NLRP3: variants seen among roughly 807,000 people sequenced by gnomAD.
NLRP3 encodes the protein NACHT, LRR and PYD domains-containing protein 3.
In NLRP3, 48 loss-of-function variants were observed where a neutral mutation model predicts 91.3. The ratio of observed to expected loss-of-function variants is 0.53; its 90% CI spans 0.42 to 0.67. The LOEUF is 0.67. Among genes scored for constraint, NLRP3 ranks in the 30% least tolerant of loss-of-function variants. The probability of loss-of-function intolerance (pLI) is 0.00; values close to 1 mark genes in which losing one functional copy is unlikely to be tolerated. For missense variants in NLRP3, 982 were observed against 1,276.9 expected, an observed-to-expected ratio of 0.77 and a Z score of 3.52; for synonymous variants, 561 against 507.9, an observed-to-expected ratio of 1.10 and a Z score of -1.41.
intron 1 of NLRP3, among the ~76,000 whole-genome samples, chr1:247,416,432 T>C (rs1662079585): frequency 6.6e-6 from 1 of 152,132 alleles, no homozygotes; most frequent in Non-Finnish European, 1.5e-5. Context: ...GCAGCAACCA[T>C]AGTTTACACC....
At chr1:247,420,401 A>G (rs1255761834) in intron 2 of NLRP3, among the ~76,000 whole-genome samples, 1 of 151,344 alleles carries the variant, frequency 6.6e-6, no homozygotes, top group Non-Finnish European at 1.5e-5. Flanking sequence ...GATGCACAGA[A>G]GTTAGTATGA....
chr1:247,444,527 T>C, intron 8 of NLRP3, 124 bp from the exon 9 acceptor site: 3 of 976,646 alleles, frequency 3.1e-6, no homozygotes, highest in South Asian at 2.7e-5. Flanking sequence ...TGAAGCTAGT[T>C]AGTCCTGTGC....
Position 247,424,433 on chromosome 1 carries a change from TC to T in NLRP3, c.985del (p.Leu329SerfsTer2). The T allele has an allele frequency of 6.2e-7, 1 of 1,614,112 alleles. No individual in the cohort carries two copies. Among genetic ancestry groups the T allele is most frequent in the Non-Finnish European group, 8.5e-7 (1 of 1,180,034 alleles). ...GGCAGAAGGCCGAGCGGGGAGACAT[TC>T]TCCTGAGCAGCCTCATCAGAAAGAA... ...DWQKAERGDI[L>X]LSSLIRKKLL... On this transcript the variant is annotated frameshift_variant, in exon 4 of 10. Coordinates refer to ENST00000336119, the MANE Select transcript of NLRP3 (RefSeq NM_001243133.2). LOFTEE classifies it high-confidence loss of function. This position sits in a 1 kb window ranked among gnomAD's most constrained non-coding sequence, Gnocchi z 8.1.
At chr1:247,433,948 T>A (rs113427259) in intron 5 of NLRP3, among the ~76,000 whole-genome samples, 155 bp from the exon 6 acceptor site, 1 of 103,098 alleles carries the variant, frequency 9.7e-6, no homozygotes, top group African/African-American at 4.3e-5. Flanking sequence ...TGTGTTCTGA[T>A]GCTTTCTGTA....
At chr1:247,431,212 A>AATAAT (rs547689900) in intron 5 of NLRP3, among the ~76,000 whole-genome samples, 259 of 150,522 alleles carry the variant, frequency 1.7e-3, no homozygotes, top group African/African-American at 5.4e-3. Flanking sequence ...ATAATAATAA[A>AATAAT]AAATGTGCTT....
chr1:247,430,371 A>G (rs1292311488), intron 5 of NLRP3, among the ~76,000 whole-genome samples: 1 of 152,166 alleles, frequency 6.6e-6, no homozygotes, highest in Non-Finnish European at 1.5e-5. Flanking sequence ...CTTGGGGGGA[A>G]GAGTGGCCTA....
At chr1:247,444,537 C>A in intron 8 of NLRP3, 114 bp from the exon 9 acceptor site, 1 of 1,124,048 alleles carries the variant, frequency 8.9e-7, no homozygotes, top group Non-Finnish European at 1.3e-6. Context: ...TAGTCCTGTG[C>A]TCCTGTGCTT....
chr1:247,420,666 G>A (rs1662390390), intron 2 of NLRP3, among the ~76,000 whole-genome samples: 2 of 152,160 alleles, frequency 1.3e-5, no homozygotes, highest in Non-Finnish European at 2.9e-5. Context: ...GCAGTGAGCT[G>A]AGATTGCACC....
intron 2 of NLRP3, 117 bp downstream of exon 2, chr1:247,419,194 GC>G: frequency 1.5e-6 from 1 of 675,652 alleles, no homozygotes; most frequent in Non-Finnish European, 2.0e-6. Context: ...TGCTCTTGTT[GC>G]CCAGGCTGGA....
rs185332888 is a variant in NLRP3 at position 247,433,727 on chromosome 1, G to A, written c.2322-376G>A. ...CTCTATTCCGGAGCTCTCTGGTCAG[G>A]TGTGTCCTGATGCTTTCTCTATTCC... On this transcript the variant is annotated intron_variant, in intron 5 of 9. Transcript: ENST00000336119. Among the ~76,000 whole-genome samples the A allele has an allele frequency of 2.6e-4, 36 of 140,522 alleles. No individual in the cohort carries two copies. In the East Asian group the frequency reaches 4.2e-3, roughly 16 times the overall value. The allele number at this position is 140,522 out of a possible 152,430, so 92.2% of individuals were successfully genotyped here. A position where few individuals can be genotyped will look rare whatever the true frequency, so the allele number is the denominator to read the frequency against.
At chr1:247,447,368 C>G (rs1164041658) in intron 9 of NLRP3, among the ~76,000 whole-genome samples, 1 of 152,194 alleles carries the variant, frequency 6.6e-6, no homozygotes, top group Non-Finnish European at 1.5e-5. Context: ...GGGCCCCACC[C>G]TCACAACTTC....
intron 5 of NLRP3, 63 bp from the exon 6 acceptor site, chr1:247,434,040 C>T: frequency 8.8e-7 from 1 of 1,139,990 alleles, no homozygotes; most frequent in South Asian, 1.3e-5. Flanking sequence ...GATGCTTCCT[C>T]TGTTCTGGAG....
Position 247,425,319 on chromosome 1 carries a change from A to G in NLRP3, c.1870A>G (p.Ser624Gly). 6.2e-7 allele frequency: 1 copy of G among 1,614,230 alleles called. No homozygotes were observed. Among genetic ancestry groups the G allele is most frequent in the Non-Finnish European group, 8.5e-7 (1 of 1,180,038 alleles). ...AGCTAAAAAGCTGCAGATCCAGCCC[A>G]GCCAGCTGGAATTGTTCTACTGTTT... ...AKAKKLQIQP[S>G]QLELFYCLYE... The change falls in exon 4 of 10, where the codon AGC becomes GGC. Residue 624 changes from serine (S) to glycine (G), a missense_variant. This residue lies in a region of NLRP3 where 32 missense variants were observed against 60.3 expected (regional missense o/e 0.53). Coordinates refer to ENST00000336119, the MANE Select transcript of NLRP3 (RefSeq NM_001243133.2). The surrounding 1 kb of genome is among the most constrained non-coding windows in gnomAD (Gnocchi z 4.1).
chr1:247,443,071 G>A (rs1275374353), intron 7 of NLRP3, among the ~76,000 whole-genome samples: 2 of 152,044 alleles, frequency 1.3e-5, no homozygotes, highest in East Asian at 3.9e-4. Flanking sequence ...GATTACAGGT[G>A]CCCACCACCA....
chr1:247,426,365 T>C (rs1279121632), intron 4 of NLRP3, among the ~76,000 whole-genome samples: 2 of 152,208 alleles, frequency 1.3e-5, no homozygotes, highest in Non-Finnish European at 2.9e-5. Context: ...AATGAAGTGG[T>C]TGAGTCACCT....
intron 7 of NLRP3, 150 bp from the exon 8 acceptor site, chr1:247,443,822 C>A: frequency 1.4e-6 from 1 of 735,164 alleles, no homozygotes; most frequent in Non-Finnish European, 2.4e-6. Flanking sequence ...GCAGGTCTTG[C>A]TCTCCCCAGA....
chr1:247,440,700 C>A (rs545413215), intron 7 of NLRP3, among the ~76,000 whole-genome samples: 2 of 152,290 alleles, frequency 1.3e-5, no homozygotes, highest in Admixed American at 6.5e-5. Flanking sequence ...CTCATCTGCA[C>A]TCCTGGGCTC....
intron 7 of NLRP3, among the ~76,000 whole-genome samples, chr1:247,439,118 C>A (rs1664026485): frequency 1.3e-5 from 2 of 151,974 alleles, no homozygotes; most frequent in African/African-American, 4.8e-5. Flanking sequence ...TAATTATGGA[C>A]AAATGGATTT....
In NLRP3 at chr1:247,425,845, A is replaced by C; in HGVS notation, c.2150+246A>C. On this transcript the variant is annotated intron_variant, in intron 4 of 9. Coordinates refer to ENST00000336119, the MANE Select transcript of NLRP3 (RefSeq NM_001243133.2). The surrounding 1 kb of genome is among the most constrained non-coding windows in gnomAD (Gnocchi z 4.1). ...TGTTTGGGGAATGCCAGTTTAGCAC[A>C]AGGTATTAAGTAGGATGTAGGATTG... The C allele has an allele frequency of 1.9e-6, 1 of 537,902 alleles. No homozygotes were observed. The highest frequency in any genetic ancestry group is 3.3e-6 in the Non-Finnish European group (1 of 298,570). 33.3% of individuals were successfully genotyped at this position (537,902 alleles called of 1,614,324 possible). A position where few individuals can be genotyped will look rare whatever the true frequency, so the allele number is the denominator to read the frequency against.
Sources: gnomAD v4.1 joint callset for allele counts (sites outside exome capture counted in the v4.1 genomes callset) on GRCh38, gnomAD v4.1.1 for gene constraint, gnomAD v4.1.1 regional missense constraint, Gnocchi (gnomAD v3.1) non-coding constraint, MANE v1.5 for transcripts, NCBI Gene and HGNC (gene_info 2026-07-23, HGNC 2026-07-21) for gene names.